MSI2: variants seen among roughly 807,000 people sequenced by gnomAD.
MSI2 encodes RNA-binding protein Musashi homolog 2.
In MSI2, 17 loss-of-function variants were observed where a neutral mutation model predicts 45.6. That is an observed-to-expected ratio of 0.37 (90% CI 0.26 to 0.56). The LOEUF is 0.56. Ranked by LOEUF, MSI2 falls within the 20% of genes least tolerant of loss-of-function variation. MSI2 has a pLI of 0.77. For synonymous variants in MSI2, 156 were observed against 158.2 expected, an observed-to-expected ratio of 0.99 and a Z score of 0.11; for missense variants, 293 against 444.2, an observed-to-expected ratio of 0.66 and a Z score of 3.06.
intron 6 of MSI2, among the ~76,000 whole-genome samples, chr17:57,470,148 G>A (rs555508303): frequency 6.6e-6 from 1 of 152,080 alleles, no homozygotes; most frequent in Non-Finnish European, 1.5e-5. Context: ...ATACCCCTCT[G>A]TATTGTAACC....
intron 5 of MSI2, among the ~76,000 whole-genome samples, chr17:57,329,631 A>G (rs1914084419): frequency 1.3e-5 from 2 of 152,128 alleles, no homozygotes; most frequent in African/African-American, 4.8e-5. Context: ...TTTCTCAAAG[A>G]CTTATTTACA....
chr17:57,312,093 A>G (rs1598104992), intron 5 of MSI2, among the ~76,000 whole-genome samples: 1 of 152,386 alleles, frequency 6.6e-6, no homozygotes, highest in East Asian at 1.9e-4. Context: ...GACAGAGCAC[A>G]GTCCCAGCAG....
intron 7 of MSI2, among the ~76,000 whole-genome samples, chr17:57,571,471 C>T (rs772614930): frequency 6.6e-6 from 1 of 152,120 alleles, no homozygotes; most frequent in Non-Finnish European, 1.5e-5. Context: ...TTCTGGTGGA[C>T]CTGGTAGTGT....
chr17:57,310,004 G>T (rs1912246333), intron 5 of MSI2, among the ~76,000 whole-genome samples: 1 of 152,214 alleles, frequency 6.6e-6, no homozygotes, highest in Non-Finnish European at 1.5e-5. Context: ...AAGGGTTTGG[G>T]CTTTGATGAG....
rs541245995 is a variant in MSI2 at position 57,294,155 on chromosome 17, G to A, written c.312+31963G>A. ...TTTATTTTTGACAGAATGAATCTTG[G>A]ACATGGGAGGATCTGGCTCTGACCA... On this transcript the variant is annotated intron_variant, in intron 5 of 13. Coordinates refer to ENST00000284073, the MANE Select transcript of MSI2 (RefSeq NM_138962.4). Among the ~76,000 whole-genome samples the A allele has an allele frequency of 2.0e-5, 3 of 152,236 alleles. No homozygotes were observed. In the South Asian group the frequency reaches 6.2e-4, roughly 32 times the overall value.
intron 6 of MSI2, among the ~76,000 whole-genome samples, chr17:57,462,095 T>C (rs2085241830): frequency 6.6e-6 from 1 of 152,204 alleles, no homozygotes; most frequent in Non-Finnish European, 1.5e-5. Flanking sequence ...CCTCTCCCCT[T>C]GCCTCTGGTG....
At chr17:57,642,391 T>C (rs1055751466) in intron 10 of MSI2, among the ~76,000 whole-genome samples, 1 of 152,190 alleles carries the variant, frequency 6.6e-6, no homozygotes, top group African/African-American at 2.4e-5. Flanking sequence ...GCTCTCTCTA[T>C]CTTCAAGTGG....
chr17:57,426,317 G>A (rs75620046), intron 6 of MSI2, among the ~76,000 whole-genome samples: 5,373 of 152,212 alleles, frequency 0.035, 109 homozygotes, highest in Middle Eastern at 0.086. Flanking sequence ...TGGCAATTAC[G>A]TCTTGCCTTG....
chr17:57,609,392 C>T (rs1212559131), intron 8 of MSI2, among the ~76,000 whole-genome samples: 1 of 152,214 alleles, frequency 6.6e-6, no homozygotes, highest in Admixed American at 6.5e-5. Flanking sequence ...AGGTTGATAC[C>T]TGAGCACTGG....
chr17:57,682,488 T>C lies in MSI2; in HGVS notation c.*2971T>C, dbSNP rs1439775734. On this transcript the variant is annotated 3_prime_UTR_variant, in exon 14 of 14. Transcript: ENST00000284073. Reference sequence around the variant, plus strand: ...TTTAAGAATGCTCAGAAGAAATTGATAATCTGTGTGAATATGTTTTAGATG... The same window carrying C: ...TTTAAGAATGCTCAGAAGAAATTGACAATCTGTGTGAATATGTTTTAGATG... The C allele has an allele frequency of 4.9e-6, 1 of 203,108 alleles. No individual in the cohort carries two copies. Among genetic ancestry groups the C allele is most frequent in the Non-Finnish European group, 1.0e-5 (1 of 99,138 alleles). 12.6% of individuals were successfully genotyped at this position (203,108 alleles called of 1,614,324 possible).
chr17:57,554,709 G>C (rs895172395), intron 7 of MSI2, among the ~76,000 whole-genome samples: 4 of 152,232 alleles, frequency 2.6e-5, no homozygotes, highest in South Asian at 2.1e-4. Flanking sequence ...GTGTGGTGTA[G>C]CTGTTATTAT....
rs75364022 is a variant in MSI2 at position 57,471,893 on chromosome 17, G to A, written c.406-57783G>A. Among the ~76,000 whole-genome samples the A allele has an allele frequency of 2.1e-3, 322 of 152,296 alleles. 1 individual carries two copies. Among genetic ancestry groups the A allele is most frequent in the African/African-American group, 7.6e-3 (316 of 41,564 alleles). ...GGAGAGGAGAGGAGAGGGGAGGGGA[G>A]GGGAAGAGAGGGGAAATGTCTTCAG... On this transcript the variant is annotated intron_variant, in intron 6 of 13. Transcript: ENST00000284073.
At chr17:57,547,403 G>A (rs2087194483) in intron 7 of MSI2, among the ~76,000 whole-genome samples, 1 of 152,202 alleles carries the variant, frequency 6.6e-6, no homozygotes, top group African/African-American at 2.4e-5. Context: ...GTGGCCAGTG[G>A]AAGTTTATTG....
At chr17:57,272,131 G>A (rs1316345848) in intron 5 of MSI2, among the ~76,000 whole-genome samples, 2 of 152,092 alleles carry the variant, frequency 1.3e-5, no homozygotes, top group African/African-American at 2.4e-5. Context: ...TTGCATGGGC[G>A]CCTGTGTGTG....
chr17:57,416,276 G>C (rs747834568), intron 6 of MSI2, among the ~76,000 whole-genome samples: 6 of 152,232 alleles, frequency 3.9e-5, no homozygotes, highest in Non-Finnish European at 8.8e-5. Flanking sequence ...AAGCAAAGGA[G>C]ATGGTGCATT....
chr17:57,326,983 T>A (rs1913851217), intron 5 of MSI2, among the ~76,000 whole-genome samples: 1 of 152,150 alleles, frequency 6.6e-6, no homozygotes, highest in Non-Finnish European at 1.5e-5. Flanking sequence ...ACATGAGAGT[T>A]AAGAAGGGAA....
Position 57,508,305 on chromosome 17 carries a change from C to T in MSI2, c.406-21371C>T, listed in dbSNP as rs114217835. On this transcript the variant is annotated intron_variant, in intron 6 of 13. Transcript: ENST00000284073. ...CTTCCTCTGCTGCCCGTATCCAGCG[C>T]AGACTTCCCGGACCTCCAGCCCCTA... Among the ~76,000 whole-genome samples the T allele has an allele frequency of 3.4e-3, 523 of 152,272 alleles. 4 individuals are homozygous for T. The highest frequency in any genetic ancestry group is 8.7e-3 in the East Asian group (45 of 5,172).
At chr17:57,674,603 ACT>A (rs761335564) in intron 11 of MSI2, among the ~76,000 whole-genome samples, 251 of 138,300 alleles carry the variant, frequency 1.8e-3, no homozygotes, top group African/African-American at 4.7e-3. Flanking sequence ...TGAAAAAAAA[ACT>A]CTCTCTCTCT....
intron 6 of MSI2, among the ~76,000 whole-genome samples, chr17:57,418,617 A>G (rs2084339056): frequency 6.6e-6 from 1 of 152,188 alleles, no homozygotes; most frequent in Non-Finnish European, 1.5e-5. Context: ...TGGTAGCCAC[A>G]AGCTAGAGGA....
Sources: gnomAD v4.1 joint callset for allele counts (sites outside exome capture counted in the v4.1 genomes callset) on GRCh38, gnomAD v4.1.1 for gene constraint, MANE v1.5 for transcripts, NCBI Gene and HGNC (gene_info 2026-07-23, HGNC 2026-07-21) for gene names.